SART1: variants seen among roughly 807,000 people sequenced by gnomAD.
SART1 encodes the protein spliceosome associated factor 1, recruiter of U4/U6.U5 tri-snRNP.
A neutral mutation model predicts 105.0 loss-of-function variants in SART1; 28 were observed. The observed-to-expected ratio is 0.27, with a 90% CI of 0.20 to 0.37. The LOEUF is 0.37. Ranked by LOEUF, SART1 falls within the 10% of genes least tolerant of loss-of-function variation. SART1 has a pLI of 1.00. For missense variants in SART1, 894 were observed against 1,106.5 expected (o/e 0.81, Z 2.72); for synonymous variants, 472 against 462.9 (o/e 1.02, Z -0.25).
intron 12 of SART1, among the ~76,000 whole-genome samples, chr11:65,968,404 A>G (rs1201726744): frequency 6.6e-6 from 1 of 152,178 alleles, no homozygotes; most frequent in Non-Finnish European, 1.5e-5. Flanking sequence ...TGAACAGGAT[A>G]GCCATGGGGC....
In SART1 at chr11:65,965,787, T is replaced by A; in HGVS notation, c.738+8T>A. ...TTCGGGCAGAGGCGGCAGGTGAGGC[T>A]GCAGCAGGGGTGGTACAGGGGACAC... On this transcript the variant is annotated splice_region_variant and intron_variant, in intron 6 of 19. Coordinates refer to ENST00000312397, the MANE Select transcript of SART1 (RefSeq NM_005146.5). The A allele has an allele frequency of 6.2e-7, 1 of 1,613,932 alleles. No homozygotes were observed. The highest frequency in any genetic ancestry group is 1.1e-5 in the South Asian group (1 of 91,078).
Position 65,966,923 on chromosome 11 carries a change from T to C in SART1, c.1189-336T>C, listed in dbSNP as rs181880927. Among the ~76,000 whole-genome samples, 286 of 152,284 alleles carry C rather than the reference T, an allele frequency of 1.9e-3. 1 individual carries two copies. The highest frequency in any genetic ancestry group is 2.9e-3 in the Non-Finnish European group (199 of 68,018). Reference sequence around the variant, plus strand: ...TGACTGGAGAGGTGTGCGTGGATTCTGTCCACAGGGTGACTGTGTGAACGT... The same window carrying C: ...TGACTGGAGAGGTGTGCGTGGATTCCGTCCACAGGGTGACTGTGTGAACGT... On this transcript the variant is annotated intron_variant, in intron 9 of 19. Coordinates refer to ENST00000312397, the MANE Select transcript of SART1 (RefSeq NM_005146.5).
chr11:65,977,779 G>A lies in SART1; in HGVS notation c.2052G>A (p.Lys684=), dbSNP rs766707178. ...CIEDKMAIDD[K]YSRREEYRGF... Reference sequence around the variant, plus strand: ...CTCGGGCCAGGGCCATCGATGACAAGTACAGCCGGAGGGAGGAATACCGAG... The same window carrying A: ...CTCGGGCCAGGGCCATCGATGACAAATACAGCCGGAGGGAGGAATACCGAG... The change falls in exon 17 of 20, where the codon AAG becomes AAA. Residue 684 remains lysine (K), a synonymous_variant. Transcript: ENST00000312397. The A allele has an allele frequency of 6.2e-7, 1 of 1,614,048 alleles. No individual in the cohort carries two copies. Among genetic ancestry groups the A allele is most frequent in the Non-Finnish European group, 8.5e-7 (1 of 1,180,008 alleles).
At chr11:65,962,133 G>GGGGGGGGGGGGGGGGGGGCGGCC in intron 1 of SART1, 40 bp downstream of exon 1, 1 of 340,638 alleles carries the variant, frequency 2.9e-6, no homozygotes, top group Non-Finnish European at 5.5e-6. Context: ...GGTCGGGCGG[G>GGGGGGGGGGGGGGGGGGGCGGCC]GGTCCCGGAA....
intron 3 of SART1, 124 bp from the exon 4 acceptor site, chr11:65,964,968 G>A: frequency 1.6e-6 from 2 of 1,265,012 alleles, no homozygotes; most frequent in South Asian, 1.7e-5. Context: ...GGAGGTGAAG[G>A]ATTGTTCCTT....
chr11:65,962,409 C>T (rs1250354976), intron 1 of SART1, among the ~76,000 whole-genome samples: 1 of 152,220 alleles, frequency 6.6e-6, no homozygotes, highest in Non-Finnish European at 1.5e-5. Flanking sequence ...CAGAGGGCTT[C>T]TGTTTTCCTC....
chr11:65,964,338 G>C, intron 2 of SART1, 177 bp from the exon 3 acceptor site: 1 of 855,596 alleles, frequency 1.2e-6, no homozygotes, highest in Non-Finnish European at 1.9e-6. Flanking sequence ...GACCAGGCTG[G>C]TGCCCATGTT....
At chr11:65,972,785 C>CAAA (rs563046172) in intron 12 of SART1, among the ~76,000 whole-genome samples, 3 of 105,968 alleles carry the variant, frequency 2.8e-5, no homozygotes, top group Non-Finnish European at 5.9e-5. Flanking sequence ...GATCCTGTCT[C>CAAA]AAAAAAAAAA....
chr11:65,978,779 C>A lies in SART1; in HGVS notation c.2263-14C>A, dbSNP rs1381266333. 1 of 1,613,872 alleles carries A rather than the reference C, an allele frequency of 6.2e-7. No homozygotes were observed. Among genetic ancestry groups the A allele is most frequent in the East Asian group, 2.2e-5 (1 of 44,850 alleles). On this transcript the variant is annotated splice_polypyrimidine_tract_variant and intron_variant, in intron 18 of 19. Transcript: ENST00000312397. The surrounding 1 kb of genome is among the most constrained non-coding windows in gnomAD (Gnocchi z 6.8). The stretch of plus-strand genomic sequence containing the variant: ...GCCTGCTGCAGCCCTTTCTGAGTGG[C>A]CCCGACCCCTCAGCTCCTGAAGAAG...
intron 12 of SART1, among the ~76,000 whole-genome samples, chr11:65,971,919 G>C (rs1161887521): frequency 1.3e-5 from 2 of 152,026 alleles, no homozygotes; most frequent in East Asian, 3.8e-4. Flanking sequence ...AGGATCCTTG[G>C]AATTGAGGGG....
intron 12 of SART1, among the ~76,000 whole-genome samples, chr11:65,974,156 A>C (rs529531968): frequency 7.1e-6 from 1 of 141,586 alleles, no homozygotes; most frequent in Non-Finnish European, 1.5e-5. Context: ...AGATCAGGAG[A>C]TTGAGACCAT....
In SART1 at chr11:65,965,906, A is replaced by G; in HGVS notation, c.758A>G (p.Asp253Gly). The change falls in exon 7 of 20, where the codon GAC becomes GGC. Residue 253 changes from aspartate (D) to glycine (G), a missense_variant. Physicochemically the swap from Asp to Gly is moderately conservative, Grantham distance 94 (BLOSUM62 -1). Coordinates refer to ENST00000312397, the MANE Select transcript of SART1 (RefSeq NM_005146.5). Reference protein sequence around the residue: ...QRRQDLYSARDLQGLTVEHAI... With the variant: ...QRRQDLYSARGLQGLTVEHAI... ...CCTTAGGACCTGTACAGTGCCCGGGACCTGCAGGGCCTCACCGTGGAGCAT... is the reference window on the plus strand; with the variant it reads ...CCTTAGGACCTGTACAGTGCCCGGGGCCTGCAGGGCCTCACCGTGGAGCAT... 6.2e-7 allele frequency: 1 copy of G among 1,614,010 alleles called. No homozygotes were observed. Among genetic ancestry groups the G allele is most frequent in the East Asian group, 2.2e-5 (1 of 44,876 alleles).
chr11:65,961,761 C>T lies in SART1; in HGVS notation c.-20C>T. The T allele has an allele frequency of 6.8e-7, 1 of 1,477,012 alleles. No homozygotes were observed. The allele number at this position is 1,477,012 out of a possible 1,614,324, so 91.5% of individuals were successfully genotyped here. On this transcript the variant is annotated 5_prime_UTR_variant, in exon 1 of 20. Transcript: ENST00000312397. Reference sequence around the variant, plus strand: ...TTGTCTGGGCTCGGCGGCAGCCGGGCTCGGAGTGGACGTGCCACTATGGGG... The same window carrying T: ...TTGTCTGGGCTCGGCGGCAGCCGGGTTCGGAGTGGACGTGCCACTATGGGG...
intron 3 of SART1, 124 bp downstream of exon 3, chr11:65,964,694 A>G: frequency 1.0e-6 from 1 of 962,736 alleles, no homozygotes; most frequent in East Asian, 2.6e-5. Flanking sequence ...TATTTGCCGG[A>G]AGGCATGAGG....
rs111729833 is a variant in SART1 at position 65,968,980 on chromosome 11, T to G, written c.1572+1159T>G. Among the ~76,000 whole-genome samples the G allele has an allele frequency of 7.3e-3, 1,113 of 152,150 alleles. 11 individuals are homozygous for G. Among genetic ancestry groups the G allele is most frequent in the South Asian group, 0.031 (150 of 4,822 alleles). On this transcript the variant is annotated intron_variant, in intron 12 of 19. Transcript: ENST00000312397. ...CACACTTTTAGCCCTACCCCACACT[T>G]CTCACCTAGGAAGAAGCCAAGAAAG...
rs940938574 is a variant in SART1, at chr11:65,976,316, G to A, written c.1573-79G>A. ...CGTGGCCTGTCTGGCTGCTGCCAGG[G>A]AGGACCCTTAGGTTCCTGGGTCTCA... On this transcript the variant is annotated intron_variant, in intron 12 of 19. Transcript: ENST00000312397. This position sits in a 1 kb window ranked among gnomAD's most constrained non-coding sequence, Gnocchi z 5.1. 4.4e-5 allele frequency: 63 copies of A among 1,416,100 alleles called. No individual in the cohort carries two copies. Among genetic ancestry groups the A allele is most frequent in the Non-Finnish European group, 5.7e-5 (61 of 1,073,450 alleles). The allele number at this position is 1,416,100 out of a possible 1,614,324, so 87.7% of individuals were successfully genotyped here.
chr11:65,962,494 C>T (rs1017889491), intron 1 of SART1, among the ~76,000 whole-genome samples: 4 of 152,266 alleles, frequency 2.6e-5, no homozygotes, highest in Admixed American at 1.3e-4. Flanking sequence ...TATACAGAGG[C>T]AAGAAAAACC....
rs1855554049 is a variant in SART1 at position 65,979,812 on chromosome 11, T to G, written c.*782T>G. 1 of 152,196 alleles carries G rather than the reference T, an allele frequency of 6.6e-6. No homozygotes were observed. The highest frequency in any genetic ancestry group is 2.4e-5 in the African/African-American group (1 of 41,452). 9.4% of individuals were successfully genotyped at this position (152,196 alleles called of 1,614,324 possible). A position where few individuals can be genotyped will look rare whatever the true frequency, so the allele number is the denominator to read the frequency against. On this transcript the variant is annotated 3_prime_UTR_variant, in exon 20 of 20. Coordinates refer to ENST00000312397, the MANE Select transcript of SART1 (RefSeq NM_005146.5). ...CCAAAAAATAAATTGAAGAAAACTGTAAACTTTAAAGAATAATCAGCTGGG... is the reference window on the plus strand; with the variant it reads ...CCAAAAAATAAATTGAAGAAAACTGGAAACTTTAAAGAATAATCAGCTGGG...
At chr11:65,975,337 A>G (rs983528776) in intron 12 of SART1, among the ~76,000 whole-genome samples, 1 of 151,714 alleles carries the variant, frequency 6.6e-6, no homozygotes, top group Non-Finnish European at 1.5e-5. Flanking sequence ...TCCTGGGCTC[A>G]AGTGATCCTC....
Sources: gnomAD v4.1 joint callset for allele counts (sites outside exome capture counted in the v4.1 genomes callset) on GRCh38, gnomAD v4.1.1 for gene constraint, Gnocchi (gnomAD v3.1) non-coding constraint, MANE v1.5 for transcripts, NCBI Gene and HGNC (gene_info 2026-07-23, HGNC 2026-07-21) for gene names.